HDGFL3: variants seen among roughly 807,000 people sequenced by gnomAD.
HDGFL3 encodes HDGF like 3.
In HDGFL3, 6 loss-of-function variants were observed where a neutral mutation model predicts 27.6. The observed-to-expected ratio is 0.22, with a 90% confidence interval of 0.12 to 0.43. The LOEUF is 0.43. HDGFL3 is among the 20% of genes least tolerant of loss of function. The probability of loss-of-function intolerance (pLI) is 1.00; values close to 1 mark genes in which losing one functional copy is unlikely to be tolerated. For synonymous variants in HDGFL3, 88 were observed against 88.9 expected (o/e 0.99, Z 0.05); for missense variants, 207 against 250.1 (o/e 0.83, Z 1.16).
At chr15:83,150,044 G>C (rs567896956) in intron 5 of HDGFL3, among the ~76,000 whole-genome samples, 2 of 152,234 alleles carry the variant, frequency 1.3e-5, no homozygotes, top group South Asian at 4.1e-4. Context: ...GGAGTTTCGG[G>C]CAGGTCTGAG....
At position 83,187,500 on chromosome 15, in the gene HDGFL3, C is replaced by T. The variant is rs186037653; in HGVS notation, c.84+19831G>A. On this transcript the variant is annotated intron_variant, in intron 1 of 5. Coordinates refer to ENST00000299633, the MANE Select transcript of HDGFL3 (RefSeq NM_016073.4). ...ATTTAATTAATTTGTTTTTAATGGC[C>T]GCATAATAATACAGCAATTGGATAA... is the stretch of plus-strand genomic sequence containing the variant. Among the ~76,000 whole-genome samples, 22 of 152,158 alleles carry T rather than the reference C, an allele frequency of 1.4e-4. No individual in the cohort carries two copies. In the East Asian group the frequency reaches 3.9e-3, roughly 27 times the overall value.
chr15:83,127,220 T>TTA, downstream of HDGFL3: 1 of 649,070 alleles, frequency 1.5e-6, no homozygotes, highest in Non-Finnish European at 2.2e-6. Context: ...AAAATAAAAG[T>TTA]AAAAAAAAAA....
At chr15:83,112,887 C>T (rs866607604) in exon 4 of HDGFL3, 9 of 1,613,552 alleles carry the variant, frequency 5.6e-6, no homozygotes, top group Non-Finnish European at 7.6e-6. Context: ...CACCCCGGGA[C>T]CCACTGTTCT....
chr15:83,120,549 C>T (rs1209471491), intron 3 of HDGFL3, among the ~76,000 whole-genome samples: 4 of 151,666 alleles, frequency 2.6e-5, no homozygotes, highest in Non-Finnish European at 5.9e-5. Context: ...GTATCTCCCT[C>T]ACTCCCAACA....
chr15:83,147,368 T>C (rs1428802998), intron 5 of HDGFL3, among the ~76,000 whole-genome samples: 3 of 152,134 alleles, frequency 2.0e-5, no homozygotes, highest in Admixed American at 6.6e-5. Flanking sequence ...CCCTACCTTC[T>C]TGCTTTCTAA....
intron 5 of HDGFL3, among the ~76,000 whole-genome samples, chr15:83,148,561 G>A (rs1252705666): frequency 6.6e-6 from 1 of 152,006 alleles, no homozygotes; most frequent in African/African-American, 2.4e-5. Context: ...TGCAGAGCTT[G>A]CAGTGAGCCA....
rs2036681580 is a variant in HDGFL3 at position 83,137,778 on chromosome 15, A to C, written c.*1492T>G. 6.6e-6 allele frequency: 1 copy of C among 152,156 alleles called. No homozygotes were observed. The highest frequency in any genetic ancestry group is 6.5e-5 in the Admixed American group (1 of 15,270). The allele number at this position is 152,156 out of a possible 1,614,324, so 9.4% of individuals were successfully genotyped here. A position where few individuals can be genotyped will look rare whatever the true frequency, so the allele number is the denominator to read the frequency against. ...TGCCATCATCACCATCATCATTATT[A>C]ACGGCCCTAGGCTTTTAGGTCTGCT... On this transcript the variant is annotated 3_prime_UTR_variant, in exon 6 of 6. Coordinates refer to ENST00000299633, the MANE Select transcript of HDGFL3 (RefSeq NM_016073.4).
In HDGFL3 at chr15:83,128,594, T is replaced by G. The variant is rs1387265619; in HGVS notation, c.*10676A>C. ...GCTGATAACTTCCAGTTTTCTACCT[T>G]CGGCCCACACCGTTCCCAGACTCCT... On this transcript the variant is annotated 3_prime_UTR_variant, in exon 6 of 6. Transcript: ENST00000299633. 6.6e-6 allele frequency: 1 copy of G among 152,206 alleles called. No individual in the cohort carries two copies. Among genetic ancestry groups the G allele is most frequent in the Non-Finnish European group, 1.5e-5 (1 of 68,044 alleles). 9.4% of individuals were successfully genotyped at this position (152,206 alleles called of 1,614,324 possible). A position where few individuals can be genotyped will look rare whatever the true frequency, so the allele number is the denominator to read the frequency against.
intron 1 of HDGFL3, among the ~76,000 whole-genome samples, chr15:83,182,763 A>C (rs910848672): frequency 1.3e-5 from 2 of 152,224 alleles, no homozygotes; most frequent in Non-Finnish European, 2.9e-5. Context: ...AAAAGTTTAA[A>C]TAAATATTAA....
intron 1 of HDGFL3, among the ~76,000 whole-genome samples, chr15:83,174,344 C>G (rs1049100550): frequency 1.3e-5 from 2 of 152,070 alleles, no homozygotes; most frequent in African/African-American, 2.4e-5. Context: ...AGCACCATTC[C>G]CATTACTAAA....
At chr15:83,204,471 G>A (rs1475338113) in intron 1 of HDGFL3, among the ~76,000 whole-genome samples, 4 of 152,068 alleles carry the variant, frequency 2.6e-5, no homozygotes, top group African/African-American at 9.7e-5. Flanking sequence ...GTAGATAGAG[G>A]GAGGATATAT....
At chr15:83,115,941 A>C in intron 3 of HDGFL3, 1 of 1,611,150 alleles carries the variant, frequency 6.2e-7, no homozygotes, top group Non-Finnish European at 8.5e-7. Flanking sequence ...TACTTGAGAG[A>C]GGTATGGGAT....
At chr15:83,119,699 G>GT in intron 3 of HDGFL3, 6 of 1,613,632 alleles carry the variant, frequency 3.7e-6, no homozygotes, top group Non-Finnish European at 5.1e-6. Context: ...AGTTCACCTG[G>GT]TGTGTGCCTT....
chr15:83,193,398 T>C (rs549941707), intron 1 of HDGFL3, among the ~76,000 whole-genome samples: 2 of 152,224 alleles, frequency 1.3e-5, no homozygotes, highest in South Asian at 4.2e-4. Context: ...TCACACCCAT[T>C]AGGATTCCTA....
intron 5 of HDGFL3, among the ~76,000 whole-genome samples, chr15:83,145,812 T>C (rs1596546021): frequency 6.6e-6 from 1 of 151,836 alleles, no homozygotes; most frequent in East Asian, 1.9e-4. Context: ...CCAAAGATCT[T>C]GTCTTCTAAG....
At chr15:83,152,365 G>T (rs2036974343) in intron 4 of HDGFL3, among the ~76,000 whole-genome samples, 1 of 152,130 alleles carries the variant, frequency 6.6e-6, no homozygotes, top group Non-Finnish European at 1.5e-5. Flanking sequence ...TTTGAGATCA[G>T]CTTGGCCAAC....
downstream of HDGFL3, among the ~76,000 whole-genome samples, chr15:83,126,458 A>G (rs2035757325): frequency 6.6e-6 from 1 of 152,214 alleles, no homozygotes; most frequent in Admixed American, 6.5e-5. Flanking sequence ...AGTGAAACTC[A>G]TAATTTAAAG....
intron 5 of HDGFL3, among the ~76,000 whole-genome samples, chr15:83,149,043 A>G (rs1176631137): frequency 6.6e-6 from 1 of 152,076 alleles, no homozygotes; most frequent in African/African-American, 2.4e-5. Flanking sequence ...CCTTATATTT[A>G]TATATATTAT....
chr15:83,185,250 C>G (rs1161026526), intron 1 of HDGFL3, among the ~76,000 whole-genome samples: 2 of 152,190 alleles, frequency 1.3e-5, no homozygotes, highest in Non-Finnish European at 2.9e-5. Context: ...TCTCGAACTC[C>G]TGACCTCAGG....
Sources: gnomAD v4.1 joint callset for allele counts (sites outside exome capture counted in the v4.1 genomes callset) on GRCh38, gnomAD v4.1.1 for gene constraint, MANE v1.5 for transcripts, NCBI Gene and HGNC (gene_info 2026-07-23, HGNC 2026-07-21) for gene names.